Variants in ZFHX4 observed in about 807,000 individuals in gnomAD.
The protein encoded by ZFHX4 is zinc finger homeobox 4.
ZFHX4 carries 56 observed loss-of-function variants against 267.6 expected under a neutral mutation model. That is an observed-to-expected ratio of 0.21 (90% confidence interval 0.17 to 0.26). ZFHX4 has a LOEUF of 0.26. Ranked by LOEUF, ZFHX4 falls within the 10% of genes least tolerant of loss-of-function variation. ZFHX4 has a pLI of 1.00. For synonymous variants in ZFHX4, 1,778 were observed against 1,665.6 expected (o/e 1.07, Z -1.64); for missense variants, 4,332 against 4,420.0 (o/e 0.98, Z 0.56).
chr8:76,816,309 T>C (rs1811504748), intron 4 of ZFHX4, among the ~76,000 whole-genome samples: 1 of 152,252 alleles, frequency 6.6e-6, no homozygotes, highest in Admixed American at 6.5e-5. Context: ...GAACATTTTT[T>C]TAAACGTCAT....
chr8:76,728,035 C>G (rs879937303), intron 3 of ZFHX4, among the ~76,000 whole-genome samples: 1 of 152,132 alleles, frequency 6.6e-6, no homozygotes, highest in Non-Finnish European at 1.5e-5. Flanking sequence ...AACAAATAAG[C>G]AGAAACCTAT....
chr8:76,778,823 A>T (rs1002601666), intron 4 of ZFHX4, among the ~76,000 whole-genome samples: 1 of 152,198 alleles, frequency 6.6e-6, no homozygotes, highest in Non-Finnish European at 1.5e-5. Context: ...GTGTAACAGG[A>T]CTGTAAAACA....
intron 3 of ZFHX4, among the ~76,000 whole-genome samples, chr8:76,738,103 A>G (rs1809212821): frequency 6.6e-6 from 1 of 152,162 alleles, no homozygotes; most frequent in Admixed American, 6.5e-5. Context: ...CACATGTAGG[A>G]GGAAGGCTTT....
At chr8:76,805,214 C>A (rs1397351223) in intron 4 of ZFHX4, among the ~76,000 whole-genome samples, 1 of 152,004 alleles carries the variant, frequency 6.6e-6, no homozygotes, top group Admixed American at 6.6e-5. Flanking sequence ...ACTGTTATTC[C>A]ATTTTGTACA....
Position 76,866,515 on chromosome 8 carries a change from G to C in ZFHX4, c.*1950G>C, listed in dbSNP as rs76867872. ...ATTTTAATCCTGAAGACACTTTTTT[G>C]ATTGTGTTTCGTAAGAGACAACATG... On this transcript the variant is annotated 3_prime_UTR_variant, in exon 11 of 11. Coordinates refer to ENST00000651372, the MANE Select transcript of ZFHX4 (RefSeq NM_024721.5). The C allele has an allele frequency of 6.8e-6, 1 of 145,986 alleles. No individual in the cohort carries two copies. The highest frequency in any genetic ancestry group is 1.5e-5 in the Non-Finnish European group (1 of 66,138). The allele number at this position is 145,986 out of a possible 1,614,324, so 9.0% of individuals were successfully genotyped here.
chr8:76,708,919 G>A (rs541662601), intron 3 of ZFHX4, among the ~76,000 whole-genome samples: 11 of 152,200 alleles, frequency 7.2e-5, no homozygotes, highest in Admixed American at 1.3e-4. Context: ...ACTTCTTTTT[G>A]TCTAGAGGAT....
intron 4 of ZFHX4, among the ~76,000 whole-genome samples, chr8:76,782,775 C>T (rs1465936400): frequency 2.0e-5 from 3 of 151,916 alleles, no homozygotes; most frequent in Non-Finnish European, 2.9e-5. Flanking sequence ...CTTTCTTGAG[C>T]GTAAAAACAA....
At chr8:76,764,991 T>G (rs1810015009) in intron 3 of ZFHX4, among the ~76,000 whole-genome samples, 1 of 152,108 alleles carries the variant, frequency 6.6e-6, no homozygotes, top group South Asian at 2.1e-4. Flanking sequence ...AGGTGAGGAC[T>G]AATGACCCAA....
At position 76,835,259 on chromosome 8, in the gene ZFHX4, A is replaced by ATATG. The variant is rs1269011573; in HGVS notation, c.3394+1854_3394+1855insATGT. ...TATATATGTATATATATATATATAT[A>ATATG]TTCATACATATATTTGTTAAAAATG... On this transcript the variant is annotated intron_variant, in intron 5 of 10. Coordinates refer to ENST00000651372, the MANE Select transcript of ZFHX4 (RefSeq NM_024721.5). Among the ~76,000 whole-genome samples, 47 of 144,000 alleles carry ATATG rather than the reference A, an allele frequency of 3.3e-4. No individual in the cohort carries two copies. The South Asian group carries it at 1.0e-2, about 31-fold the overall frequency. The allele number at this position is 144,000 out of a possible 152,430, so 94.5% of individuals were successfully genotyped here.
At chr8:76,755,369 AG>A (rs1488521722) in intron 3 of ZFHX4, among the ~76,000 whole-genome samples, 14 of 152,118 alleles carry the variant, frequency 9.2e-5, no homozygotes, top group African/African-American at 3.4e-4. Context: ...TTGCCTTTTT[AG>A]ATCTAAATGT....
At chr8:76,839,101 A>AGAGAGAGAGAG (rs1812169860) in intron 5 of ZFHX4, among the ~76,000 whole-genome samples, 2 of 97,670 alleles carry the variant, frequency 2.0e-5, no homozygotes, top group Non-Finnish European at 4.9e-5. Flanking sequence ...GAGAGAGAGA[A>AGAGAGAGAGAG]GGACAATGGG....
chr8:76,701,091 A>G (rs1238832065), intron 1 of ZFHX4, among the ~76,000 whole-genome samples: 1 of 152,158 alleles, frequency 6.6e-6, no homozygotes, highest in Non-Finnish European at 1.5e-5. Context: ...ACTTAGCATC[A>G]TATTCAGTGT....
chr8:76,718,689 C>T (rs1585879109), intron 3 of ZFHX4, among the ~76,000 whole-genome samples: 1 of 152,136 alleles, frequency 6.6e-6, no homozygotes, highest in East Asian at 1.9e-4. Context: ...AGCATCAATT[C>T]TTAACATGAA....
chr8:76,743,206 T>C (rs1218970654), intron 3 of ZFHX4, among the ~76,000 whole-genome samples: 1 of 152,184 alleles, frequency 6.6e-6, no homozygotes, highest in Non-Finnish European at 1.5e-5. Flanking sequence ...AGATTGAATC[T>C]CAGAGACTGA....
intron 5 of ZFHX4, among the ~76,000 whole-genome samples, chr8:76,839,940 T>A (rs1406619513): frequency 6.6e-6 from 1 of 152,212 alleles, no homozygotes; most frequent in Non-Finnish European, 1.5e-5. Flanking sequence ...ATTTATACAA[T>A]GAATGTCAAA....
intron 3 of ZFHX4, among the ~76,000 whole-genome samples, chr8:76,749,118 T>C (rs533933657): frequency 2.0e-5 from 3 of 152,312 alleles, no homozygotes; most frequent in East Asian, 3.9e-4. Flanking sequence ...AAGCTTTCTT[T>C]AAAGTTGATA....
At chr8:76,696,717 A>T (rs546046216) in intron 1 of ZFHX4, among the ~76,000 whole-genome samples, 7 of 151,966 alleles carry the variant, frequency 4.6e-5, no homozygotes, top group Admixed American at 3.3e-4. Context: ...TAATCTCAGA[A>T]ATCAAACATA....
At chr8:76,713,132 C>T (rs1344198665) in intron 3 of ZFHX4, among the ~76,000 whole-genome samples, 2 of 152,156 alleles carry the variant, frequency 1.3e-5, no homozygotes, top group Non-Finnish European at 2.9e-5. Context: ...TGTGTTATAA[C>T]ATGGCTACTT....
chr8:76,716,029 T>G (rs55716831), intron 3 of ZFHX4, among the ~76,000 whole-genome samples: 2,110 of 152,280 alleles, frequency 0.014, 46 homozygotes, highest in African/African-American at 0.048. Context: ...ATAAAATTAT[T>G]GGAATGCAGG....
Sources: gnomAD v4.1 joint callset for allele counts (sites outside exome capture counted in the v4.1 genomes callset) on GRCh38, gnomAD v4.1.1 for gene constraint, MANE v1.5 for transcripts, NCBI Gene and HGNC (gene_info 2026-07-23, HGNC 2026-07-21) for gene names.